TNNI3K: variants seen among roughly 807,000 people sequenced by gnomAD.
The protein encoded by TNNI3K is serine/threonine-protein kinase TNNI3K.
In TNNI3K, 140 loss-of-function variants were observed where a neutral mutation model predicts 114.5. The observed-to-expected ratio is 1.22, with a 90% CI of 1.07 to 1.41. The LOEUF is 1.41. Ranked by LOEUF, TNNI3K falls within the 40% of genes most tolerant of loss-of-function variation. The pLI is 0.00. For missense variants in TNNI3K, 1,125 were observed against 1,007.6 expected, an observed-to-expected ratio of 1.12 and a Z score of -1.58; for synonymous variants, 347 against 347.5, an observed-to-expected ratio of 1.00 and a Z score of 0.02.
intron 5 of TNNI3K, among the ~76,000 whole-genome samples, chr1:74,310,810 A>G (rs896314149): frequency 3.9e-5 from 6 of 152,206 alleles, no homozygotes; most frequent in Non-Finnish European, 8.8e-5. Flanking sequence ...ATGCAAAGGT[A>G]TCTGAATTTA....
intron 23 of TNNI3K, among the ~76,000 whole-genome samples, chr1:74,507,811 G>A (rs1336826577): frequency 6.6e-6 from 1 of 152,150 alleles, no homozygotes; most frequent in Non-Finnish European, 1.5e-5. Flanking sequence ...TGAGACTTAG[G>A]AACTTAAGTA....
At chr1:74,309,708 C>G (rs1658871505) in intron 5 of TNNI3K, among the ~76,000 whole-genome samples, 1 of 151,962 alleles carries the variant, frequency 6.6e-6, no homozygotes, top group African/African-American at 2.4e-5. Context: ...CAACCAAGAA[C>G]AAATTATCAT....
chr1:74,364,624 A>G (rs1463882063), intron 11 of TNNI3K, among the ~76,000 whole-genome samples: 1 of 151,938 alleles, frequency 6.6e-6, no homozygotes, highest in Non-Finnish European at 1.5e-5. Flanking sequence ...TACATGGGGA[A>G]GAATCAAGGT....
rs879815162 is a variant in TNNI3K at position 74,331,464 on chromosome 1, G to A, written c.459G>A (p.Leu153=). 6 of 1,613,254 alleles carry A rather than the reference G, an allele frequency of 3.7e-6. No individual in the cohort carries two copies. The highest frequency in any genetic ancestry group is 3.3e-5 in the Admixed American group (2 of 59,986). The change falls in exon 6 of 25, where the codon CTG becomes CTA. Residue 153 remains leucine, a synonymous_variant. Coordinates refer to ENST00000326637, the MANE Select transcript of TNNI3K (RefSeq NM_015978.3). The part of the protein sequence containing the change: ...IAGHLEAADV[L]LQHGANVNIQ... ...TTCTTGTCCAGGCTGCTGATGTGCT[G>A]TTGCAACATGGAGCTAATGTCAATA...
At chr1:74,391,029 A>T (rs1360435296) in intron 17 of TNNI3K, among the ~76,000 whole-genome samples, 1 of 150,822 alleles carries the variant, frequency 6.6e-6, no homozygotes, top group Non-Finnish European at 1.5e-5. Context: ...AAGTAAAATA[A>T]AATAAAACTT....
At chr1:74,484,923 G>A (rs994804846) in intron 21 of TNNI3K, among the ~76,000 whole-genome samples, 5 of 152,110 alleles carry the variant, frequency 3.3e-5, no homozygotes, top group African/African-American at 1.2e-4. Context: ...AAAATAGGAG[G>A]CAATTGTAGT....
At chr1:74,345,063 A>G (rs1660931507) in intron 9 of TNNI3K, among the ~76,000 whole-genome samples, 1 of 152,052 alleles carries the variant, frequency 6.6e-6, no homozygotes, top group African/African-American at 2.4e-5. Context: ...ATGCATGTAT[A>G]TATGTGTGTA....
chr1:74,493,903 T>C (rs1251980097), intron 23 of TNNI3K, among the ~76,000 whole-genome samples: 1 of 152,178 alleles, frequency 6.6e-6, no homozygotes, highest in Non-Finnish European at 1.5e-5. Flanking sequence ...AAAATATACT[T>C]GATTTTTAGT....
At chr1:74,440,007 AAC>A (rs1234995736) in intron 20 of TNNI3K, among the ~76,000 whole-genome samples, 1 of 152,090 alleles carries the variant, frequency 6.6e-6, no homozygotes, top group Non-Finnish European at 1.5e-5. Flanking sequence ...AGAAAGTAGT[AAC>A]ACAGAAATAA....
chr1:74,314,985 A>G (rs182874438), intron 5 of TNNI3K, among the ~76,000 whole-genome samples: 3 of 152,294 alleles, frequency 2.0e-5, no homozygotes, highest in African/African-American at 7.2e-5. Flanking sequence ...AAAAATCATG[A>G]AATGCCTCTA....
chr1:74,399,772 C>T (rs546678134), intron 17 of TNNI3K, among the ~76,000 whole-genome samples: 16 of 152,258 alleles, frequency 1.1e-4, no homozygotes, highest in Admixed American at 4.6e-4. Context: ...AATTCTACTA[C>T]CAAGAGTGAG....
intron 2 of TNNI3K, among the ~76,000 whole-genome samples, chr1:74,244,382 T>TA (rs1309606502): frequency 2.6e-5 from 4 of 152,242 alleles, no homozygotes; most frequent in South Asian, 4.1e-4. Context: ...CTGAGTCACT[T>TA]ATAGATGGTA....
chr1:74,375,721 C>A (rs1662872181), intron 17 of TNNI3K: 3 of 388,470 alleles, frequency 7.7e-6, no homozygotes, highest in Non-Finnish European at 1.1e-5. Flanking sequence ...CACTTTCAGA[C>A]CCCTACCCAC....
chr1:74,337,597 A>G lies in TNNI3K; in HGVS notation c.682+1448A>G, dbSNP rs574451519. 4.6e-5 allele frequency among the ~76,000 whole-genome samples: 7 copies of G among 152,244 alleles called. No individual in the cohort carries two copies. In the East Asian group the frequency reaches 1.4e-3, roughly 29 times the overall value. ...TACTTCTAGCAAATTCTGAAATCTT[A>G]AATATATAACCTGATGAATATTTAT... On this transcript the variant is annotated intron_variant, in intron 7 of 24. Transcript: ENST00000326637.
intron 5 of TNNI3K, among the ~76,000 whole-genome samples, chr1:74,289,110 A>G (rs563072): frequency 0.99 from 150,568 of 151,926 alleles, 74,629 homozygotes; most frequent in Middle Eastern, 1. Flanking sequence ...CATTGTGTAT[A>G]TAAATATCCA....
In TNNI3K at chr1:74,440,621, G is replaced by C. The variant is rs112473417; in HGVS notation, c.2011+999G>C. Reference sequence around the variant, plus strand: ...TGGTCTTTTAATTACACCCTGCATAGCAGAGTGCTTTTCACAGGTTATGTG... The same window carrying C: ...TGGTCTTTTAATTACACCCTGCATACCAGAGTGCTTTTCACAGGTTATGTG... On this transcript the variant is annotated intron_variant, in intron 20 of 24. Transcript: ENST00000326637. Among the ~76,000 whole-genome samples, 353 of 152,120 alleles carry C rather than the reference G, an allele frequency of 2.3e-3. 1 individual carries two copies. The highest frequency in any genetic ancestry group is 7.9e-3 in the African/African-American group (326 of 41,514).
At chr1:74,241,638 G>A (rs1249574848) in intron 2 of TNNI3K, among the ~76,000 whole-genome samples, 1 of 151,906 alleles carries the variant, frequency 6.6e-6, no homozygotes, top group African/African-American at 2.4e-5. Flanking sequence ...TTTTTTTCTT[G>A]TAAATTTGTT....
chr1:74,266,410 G>C lies in TNNI3K; in HGVS notation c.334-5188G>C, dbSNP rs145733898. Among the ~76,000 whole-genome samples, 29 of 152,086 alleles carry C rather than the reference G, an allele frequency of 1.9e-4. 1 individual carries two copies. Among genetic ancestry groups the C allele is most frequent in the African/African-American group, 6.7e-4 (28 of 41,526 alleles). On this transcript the variant is annotated intron_variant, in intron 4 of 24. Transcript: ENST00000326637. The stretch of plus-strand genomic sequence containing the variant: ...TTTTTCAGCAAACAGAAAGGAAGCT[G>C]TGTGGTCTTCTATGTCCTAGCCTTA...
chr1:74,327,219 A>G (rs2100400697), intron 5 of TNNI3K, among the ~76,000 whole-genome samples: 1 of 151,688 alleles, frequency 6.6e-6, no homozygotes, highest in Admixed American at 6.6e-5. Context: ...GGTAATTCAT[A>G]CAGTAATTGT....
Sources: gnomAD v4.1 joint callset for allele counts (sites outside exome capture counted in the v4.1 genomes callset) on GRCh38, gnomAD v4.1.1 for gene constraint, MANE v1.5 for transcripts, NCBI Gene and HGNC (gene_info 2026-07-23, HGNC 2026-07-21) for gene names.